The following TEDC1 variants were observed in gnomAD, a reference collection of about 807,000 sequenced individuals.
TEDC1 encodes the protein tubulin epsilon and delta complex protein 1.
TEDC1 carries 54 observed loss-of-function variants against 59.9 expected under a neutral mutation model. That is an observed-to-expected ratio of 0.90 (90% CI 0.72 to 1.13). TEDC1 has a LOEUF of 1.13. TEDC1 is among the 50% of genes most tolerant of loss of function. The pLI is 0.00. For missense variants in TEDC1, 734 were observed against 683.4 expected (o/e 1.07, Z -0.83); for synonymous variants, 353 against 298.1 (o/e 1.18, Z -1.90).
intron 8 of TEDC1, among the ~76,000 whole-genome samples, chr14:105,498,287 C>G (rs1371803368): frequency 6.6e-6 from 1 of 152,210 alleles, no homozygotes; most frequent in Non-Finnish European, 1.5e-5. Context: ...GTAGTAGTCA[C>G]TCCTCCACAC....
chr14:105,493,416 C>G (rs1469030547), intron 4 of TEDC1, among the ~76,000 whole-genome samples: 2 of 152,184 alleles, frequency 1.3e-5, no homozygotes, highest in East Asian at 3.8e-4. Context: ...GTGCCACCTT[C>G]CAGCCTCCCT....
chr14:105,492,467 G>C (rs1555439655), intron 3 of TEDC1, 112 bp from the exon 4 acceptor site: 1 of 1,470,294 alleles, frequency 6.8e-7, no homozygotes, highest in Non-Finnish European at 9.1e-7. Flanking sequence ...GAGGCTCCCT[G>C]TGCAGGGAGC....
chr14:105,496,200 C>T, intron 6 of TEDC1, 114 bp downstream of exon 6: 2 of 1,033,896 alleles, frequency 1.9e-6, no homozygotes, highest in Non-Finnish European at 2.8e-6. Context: ...CACCCCTGGC[C>T]CTTACCTTCT....
chr14:105,498,051 A>ACTTGCT, intron 8 of TEDC1, 74 bp downstream of exon 8: 1 of 1,410,696 alleles, frequency 7.1e-7, no homozygotes. Flanking sequence ...GGCACTTTGG[A>ACTTGCT]CTTGCTGAAT....
upstream of TEDC1, chr14:105,490,974 T>C: frequency 1.3e-6 from 2 of 1,489,876 alleles, no homozygotes; most frequent in Non-Finnish European, 1.8e-6. Flanking sequence ...GTTCTCCATA[T>C]CAACAGCCCT....
At chr14:105,492,522 C>G (rs1307697548) in intron 3 of TEDC1, 57 bp from the exon 4 acceptor site, 1 of 1,514,458 alleles carries the variant, frequency 6.6e-7, no homozygotes, top group African/African-American at 1.4e-5. Flanking sequence ...TCCATCCTGG[C>G]CTTTTCTGGG....
chr14:105,492,464 C>T (rs1213571543), intron 3 of TEDC1, 115 bp from the exon 4 acceptor site: 2 of 1,466,028 alleles, frequency 1.4e-6, no homozygotes, highest in East Asian at 4.9e-5. Context: ...ACGGAGGCTC[C>T]CTGTGCAGGG....
In TEDC1 at chr14:105,491,449, C is replaced by T; in HGVS notation, c.74C>T (p.Ala25Val). 6.9e-7 allele frequency: 1 copy of T among 1,457,936 alleles called. No homozygotes were observed. The highest frequency in any genetic ancestry group is 1.4e-5 in the South Asian group (1 of 72,364). 90.3% of individuals were successfully genotyped at this position (1,457,936 alleles called of 1,614,324 possible). A position where few individuals can be genotyped will look rare whatever the true frequency, so the allele number is the denominator to read the frequency against. The change falls in exon 1 of 9, where the codon GCG (alanine) becomes GTG (valine). Residue 25 changes from alanine (A) to valine (V), a missense_variant. Coordinates refer to ENST00000392523, the MANE Select transcript of TEDC1 (RefSeq NM_001367178.1). Reference sequence around the variant, plus strand: ...GGGGCCCTGCCTGAGGCCATCGCCGCGTTGAGTCGGTCGCTGCCCTCGGGA... The same window carrying T: ...GGGGCCCTGCCTGAGGCCATCGCCGTGTTGAGTCGGTCGCTGCCCTCGGGA... ...RAGALPEAIA[A>V]LSRSLPSGPS...
chr14:105,492,783 G>C (rs781961395), intron 4 of TEDC1, 49 bp downstream of exon 4: 1 of 1,523,292 alleles, frequency 6.6e-7, no homozygotes, highest in South Asian at 1.2e-5. Context: ...CCGTGCTGCA[G>C]GCCGCCAGCT....
chr14:105,492,594 A>C lies in TEDC1; in HGVS notation c.445A>C (p.Ser149Arg). 6.5e-7 allele frequency: 1 copy of C among 1,539,938 alleles called. No individual in the cohort carries two copies. The highest frequency in any genetic ancestry group is 1.2e-5 in the South Asian group (1 of 84,050). ...MTVCQCEALASPGPPAPHMEA... is the reference protein window; with the variant it reads ...MTVCQCEALARPGPPAPHMEA... Reference sequence around the variant, plus strand: ...CCCTCTCCAGTGTGAGGCCCTGGCCAGCCCTGGCCCACCTGCACCCCACAT... The same window carrying C: ...CCCTCTCCAGTGTGAGGCCCTGGCCCGCCCTGGCCCACCTGCACCCCACAT... Residue 149 changes from serine to arginine, a missense_variant, in exon 4 of 9, where the codon AGC becomes CGC. Transcript: ENST00000392523.
intron 8 of TEDC1, 106 bp downstream of exon 8, chr14:105,498,083 C>T: frequency 7.5e-7 from 1 of 1,327,926 alleles, no homozygotes. Context: ...ATTTGTCAAG[C>T]ATGGCAGGGG....
Position 105,497,966 on chromosome 14 carries a change from T to C in TEDC1, c.1147T>C (p.Trp383Arg). 6.5e-7 allele frequency: 1 copy of C among 1,530,384 alleles called. No individual in the cohort carries two copies. The highest frequency in any genetic ancestry group is 8.8e-7 in the Non-Finnish European group (1 of 1,138,608). 94.8% of individuals were successfully genotyped at this position (1,530,384 alleles called of 1,614,324 possible). Residue 383 changes from tryptophan (W) to arginine (R), a missense_variant, in exon 8 of 9, where the codon TGG (tryptophan) becomes CGG (arginine). Trp to Arg is a moderately radical substitution (Grantham distance 101). Transcript: ENST00000392523. ...REAAERRRAA[W>R]EAKAGGCGRG... ...GGCTGCGGAGCGCAGGCGGGCGGCC[T>C]GGGAGGCCAAGGTGAGTGCCAGCCT...
At position 105,496,105 on chromosome 14, in the gene TEDC1, C is replaced by T. The variant is rs782045091; in HGVS notation, c.891+19C>T. ...TAGGGCGGTAAGTCGGGGAGGCTGG[C>T]AGGGAAGTGGAGACCGCAGGACTTG... On this transcript the variant is annotated intron_variant, in intron 6 of 8. Coordinates refer to ENST00000392523, the MANE Select transcript of TEDC1 (RefSeq NM_001367178.1). 1.0e-6 allele frequency: 1 copy of T among 969,638 alleles called. No homozygotes were observed. Among genetic ancestry groups the T allele is most frequent in the South Asian group, 2.4e-5 (1 of 41,200 alleles). The allele number at this position is 969,638 out of a possible 1,614,324, so 60.1% of individuals were successfully genotyped here.
intron 4 of TEDC1, among the ~76,000 whole-genome samples, 192 bp downstream of exon 4, chr14:105,492,926 G>A (rs1273990283): frequency 1.3e-5 from 2 of 152,192 alleles, no homozygotes; most frequent in East Asian, 3.8e-4. Flanking sequence ...GCTGGGCAGG[G>A]AGCCCAGTGG....
At position 105,491,411 on chromosome 14, in the gene TEDC1, TGGGGCCCGGGCC is replaced by T. The variant is rs2084203961; in HGVS notation, c.44_55del (p.Arg15_Ala18del). 1.4e-6 allele frequency: 2 copies of T among 1,417,246 alleles called. No individual in the cohort carries two copies. The highest frequency in any genetic ancestry group is 2.7e-5 in the East Asian group (1 of 36,562). 87.8% of individuals were successfully genotyped at this position (1,417,246 alleles called of 1,614,324 possible). On this transcript the variant is annotated inframe_deletion, in exon 1 of 9. Transcript: ENST00000392523. ...GGCGGCAGCGGGTGGACCCCGCGGC[TGGGGCCCGGGCC>T]GGGGCCCTGCCTGAGGCCATCGCCG... is the stretch of plus-strand genomic sequence containing the variant.
rs782356830 is a variant in TEDC1, at chr14:105,497,426, G to A, written c.961G>A (p.Val321Ile). ...CCTGGCGTGGCGGCGCTCTGAGCTG[G>A]TCTTCTGGCGGTGGATGGTGAGGAA... The part of the protein sequence containing the change: ...AVLAWRRSEL[V>I]FWRWMDTVLG... Residue 321 changes from valine (V) to isoleucine (I), a missense_variant, in exon 7 of 9, where the codon GTC (valine) becomes ATC (isoleucine). Coordinates refer to ENST00000392523, the MANE Select transcript of TEDC1 (RefSeq NM_001367178.1). The A allele has an allele frequency of 1.3e-6, 2 of 1,549,334 alleles. No homozygotes were observed. The highest frequency in any genetic ancestry group is 1.2e-5 in the South Asian group (1 of 84,290).
chr14:105,492,353 TCCTG>T, intron 3 of TEDC1, 44 bp downstream of exon 3: 1 of 1,590,542 alleles, frequency 6.3e-7, no homozygotes, highest in South Asian at 1.1e-5. Flanking sequence ...TGGTCTCAAC[TCCTG>T]GGGCCAGAGC....
chr14:105,493,826 C>G lies in TEDC1; in HGVS notation c.586-9C>G, dbSNP rs2084275393. ...CCACTCAGCCTGGGGTCTGCACTAC[C>G]TGTTTTAGATCCACCTGTACACACG... On this transcript the variant is annotated splice_polypyrimidine_tract_variant and intron_variant, in intron 4 of 8. Coordinates refer to ENST00000392523, the MANE Select transcript of TEDC1 (RefSeq NM_001367178.1). The G allele has an allele frequency of 1.2e-6, 2 of 1,601,832 alleles. No individual in the cohort carries two copies. Among genetic ancestry groups the G allele is most frequent in the Non-Finnish European group, 1.7e-6 (2 of 1,175,252 alleles).
chr14:105,492,575 C>G lies in TEDC1; in HGVS notation c.430-4C>G, dbSNP rs1235885659. On this transcript the variant is annotated splice_region_variant and splice_polypyrimidine_tract_variant and intron_variant, in intron 3 of 8. Transcript: ENST00000392523. Reference sequence around the variant, plus strand: ...AGCAGGGCCTGACCCTTGCCCCTCTCCAGTGTGAGGCCCTGGCCAGCCCTG... The same window carrying G: ...AGCAGGGCCTGACCCTTGCCCCTCTGCAGTGTGAGGCCCTGGCCAGCCCTG... The G allele has an allele frequency of 1.0e-5, 16 of 1,537,438 alleles. No individual in the cohort carries two copies. In the African/African-American group the frequency reaches 1.6e-4, roughly 16 times the overall value.
Sources: gnomAD v4.1 joint callset for allele counts (sites outside exome capture counted in the v4.1 genomes callset) on GRCh38, gnomAD v4.1.1 for gene constraint, MANE v1.5 for transcripts, NCBI Gene and HGNC (gene_info 2026-07-23, HGNC 2026-07-21) for gene names.